The following RANBP3 variants were observed in gnomAD, a reference collection of about 807,000 sequenced individuals.
RANBP3 encodes RAN binding protein 3.
In RANBP3, 14 loss-of-function variants were observed where a neutral mutation model predicts 77.3. The ratio of observed to expected loss-of-function variants is 0.18; its 90% CI spans 0.12 to 0.28. The LOEUF (loss-of-function observed/expected upper bound fraction) is 0.28. RANBP3 is among the 10% of genes least tolerant of loss of function. The probability of loss-of-function intolerance (pLI) is 1.00; values close to 1 mark genes in which losing one functional copy is unlikely to be tolerated. For missense variants in RANBP3, 586 were observed against 752.3 expected (o/e 0.78, Z 2.59); for synonymous variants, 315 against 312.4 (o/e 1.01, Z -0.09).
intron 1 of RANBP3, among the ~76,000 whole-genome samples, chr19:5,965,048 G>A (rs1447423414): frequency 6.6e-6 from 1 of 152,074 alleles, no homozygotes; most frequent in Non-Finnish European, 1.5e-5. Context: ...CTGGTGGAAG[G>A]GGGTCTCTTC....
At position 5,951,395 on chromosome 19, in the gene RANBP3, CT is replaced by C; in HGVS notation, c.279del (p.Arg95GlyfsTer33). On this transcript the variant is annotated frameshift_variant, in exon 3 of 17. Transcript: ENST00000340578. LOFTEE classifies it high-confidence loss of function. ...AQLPPFPREL[A>X]GRSAGGSSPE... ...GTGCCGGGTAGGTGTGGACTTACCC[CT>C]GCCAGTTCTCGCGGAAAAGGAGGAA... 6.4e-7 allele frequency: 1 copy of C among 1,554,010 alleles called. No individual in the cohort carries two copies. The highest frequency in any genetic ancestry group is 1.2e-5 in the South Asian group (1 of 84,600).
chr19:5,947,398 G>A lies in RANBP3; in HGVS notation c.282+3995C>T, dbSNP rs1171100603. Among the ~76,000 whole-genome samples the A allele has an allele frequency of 2.6e-5, 4 of 151,954 alleles. No individual in the cohort carries two copies. In the South Asian group the frequency reaches 6.2e-4, roughly 24 times the overall value. Reference sequence around the variant, plus strand: ...CAAGCTCCGAAGACTCGAGCTTAGTGGGGAGGAGCGAGGACAGAAGCAGGA... The same window carrying A: ...CAAGCTCCGAAGACTCGAGCTTAGTAGGGAGGAGCGAGGACAGAAGCAGGA... On this transcript the variant is annotated intron_variant, in intron 3 of 16. Transcript: ENST00000340578.
At chr19:5,925,861 CCG>C in intron 9 of RANBP3, 124 bp from the exon 10 acceptor site, 1 of 740,666 alleles carries the variant, frequency 1.4e-6, no homozygotes, top group Admixed American at 2.1e-5. Flanking sequence ...TCTCCTGTAC[CCG>C]CCTGTGTGTG....
At position 5,959,515 on chromosome 19, in the gene RANBP3, C is replaced by A. The variant is rs547841145; in HGVS notation, c.23-1542G>T. ...TCACCGTGTACAGCCAAGGCAAACA[C>A]TGGAGTGAGTGGCGTGCGCGAGACC... is the stretch of plus-strand genomic sequence containing the variant. On this transcript the variant is annotated intron_variant, in intron 1 of 16. Coordinates refer to ENST00000340578, the MANE Select transcript of RANBP3 (RefSeq NM_007322.3). This position sits in a 1 kb window ranked among gnomAD's most constrained non-coding sequence, Gnocchi z 5.1. Among the ~76,000 whole-genome samples the A allele has an allele frequency of 2.0e-5, 3 of 152,094 alleles. No individual in the cohort carries two copies. In the South Asian group the frequency reaches 6.2e-4, roughly 31 times the overall value.
chr19:5,968,125 G>C (rs576845852), intron 1 of RANBP3, among the ~76,000 whole-genome samples: 15 of 152,348 alleles, frequency 9.8e-5, no homozygotes, highest in African/African-American at 3.6e-4. Context: ...CACCAACACA[G>C]CTGAGGCAAC....
In RANBP3 at chr19:5,917,808, C is replaced by T; in HGVS notation, c.1646G>A (p.Gly549Glu). Residue 549 changes from glycine (G) to glutamate (E), a missense_variant, in exon 16 of 17, where the codon GGG becomes GAG. Gly to Glu is a moderately conservative substitution (Grantham distance 98). Around this residue, in one of 5 missense-constraint regions of RANBP3, gnomAD observed 128 missense variants for 157.0 expected, o/e 0.82. Coordinates refer to ENST00000340578, the MANE Select transcript of RANBP3 (RefSeq NM_007322.3). ...SDDDDVLAPS[G>E]ATAAGAGDEG... is the part of the protein sequence containing the mutation. ...ACCCGACTCACCAGCTGCGGTGGCC[C>T]CTGAAGGAGCCAGGACATCGTCATC... The T allele has an allele frequency of 6.2e-7, 1 of 1,610,470 alleles. No homozygotes were observed. Among genetic ancestry groups the T allele is most frequent in the Non-Finnish European group, 8.5e-7 (1 of 1,178,692 alleles).
chr19:5,944,306 A>G (rs931378557), intron 3 of RANBP3, among the ~76,000 whole-genome samples: 1 of 152,222 alleles, frequency 6.6e-6, no homozygotes, highest in African/African-American at 2.4e-5. Context: ...GAACCTTTCT[A>G]GAAATGCCAG....
chr19:5,951,353 C>A, intron 3 of RANBP3, 40 bp downstream of exon 3: 1 of 1,528,702 alleles, frequency 6.5e-7, no homozygotes. Context: ...GGGTTGGGCT[C>A]CCCCTGGGCG....
At chr19:5,928,432 T>TA (rs1342973978) in intron 8 of RANBP3, 1 of 160,936 alleles carries the variant, frequency 6.2e-6, no homozygotes, top group Non-Finnish European at 1.3e-5. Flanking sequence ...CAATAGAAAA[T>TA]ATGGGGGAAA....
At chr19:5,951,023 C>T in intron 3 of RANBP3, 1 of 294,698 alleles carries the variant, frequency 3.4e-6, no homozygotes, top group Non-Finnish European at 6.5e-6. Flanking sequence ...ACTTGAATGC[C>T]CGCATTCAGG....
At chr19:5,946,913 AC>A (rs2058212182) in intron 3 of RANBP3, among the ~76,000 whole-genome samples, 1 of 152,074 alleles carries the variant, frequency 6.6e-6, no homozygotes, top group South Asian at 2.1e-4. Context: ...GCCACCCCTC[AC>A]CCCAAACAAG....
At chr19:5,949,083 C>T (rs929625505) in intron 3 of RANBP3, among the ~76,000 whole-genome samples, 6 of 152,180 alleles carry the variant, frequency 3.9e-5, no homozygotes, top group Non-Finnish European at 7.3e-5. Flanking sequence ...TGTTTATCAT[C>T]AAGAACTCTC....
In RANBP3 at chr19:5,918,582, T is replaced by C; in HGVS notation, c.1387A>G (p.Met463Val). 1 of 1,613,760 alleles carries C rather than the reference T, an allele frequency of 6.2e-7. No individual in the cohort carries two copies. Among genetic ancestry groups the C allele is most frequent in the Non-Finnish European group, 8.5e-7 (1 of 1,179,914 alleles). Residue 463 changes from methionine (M) to valine (V), a missense_variant, in exon 15 of 17, where the codon ATG (methionine) becomes GTG (valine). Physicochemically the swap from Met to Val is conservative, Grantham distance 21. Around this residue, in one of 5 missense-constraint regions of RANBP3, gnomAD observed 128 missense variants for 157.0 expected, o/e 0.82. Coordinates refer to ENST00000340578, the MANE Select transcript of RANBP3 (RefSeq NM_007322.3). ...TTCTCGCTGGCCTTGTCGATCTGCATCTGGGCCCACAGCTTGGTGTTGAGG... is the reference window on the plus strand; with the variant it reads ...TTCTCGCTGGCCTTGTCGATCTGCACCTGGGCCCACAGCTTGGTGTTGAGG... ...LILNTKLWAQMQIDKASEKSI... is the reference protein window; with the variant it reads ...LILNTKLWAQVQIDKASEKSI...
intron 3 of RANBP3, among the ~76,000 whole-genome samples, chr19:5,949,034 T>G (rs540049011): frequency 6.6e-6 from 1 of 152,234 alleles, no homozygotes; most frequent in Non-Finnish European, 1.5e-5. Flanking sequence ...GACTAAAAGA[T>G]GGTAAGGGCC....
At chr19:5,973,391 A>G (rs2145289429) in intron 1 of RANBP3, among the ~76,000 whole-genome samples, 1 of 152,298 alleles carries the variant, frequency 6.6e-6, no homozygotes, top group Admixed American at 6.5e-5. Flanking sequence ...GGACACTGGG[A>G]CGGAGACATT....
Position 5,961,961 on chromosome 19 carries a change from G to A in RANBP3, c.23-3988C>T, listed in dbSNP as rs191062325. 7.7e-3 allele frequency among the ~76,000 whole-genome samples: 1,161 copies of A among 151,732 alleles called. 33 individuals are homozygous for A. Among genetic ancestry groups the A allele is most frequent in the South Asian group, 4.6e-3 (22 of 4,792 alleles). On this transcript the variant is annotated intron_variant, in intron 1 of 16. Transcript: ENST00000340578. ...GCGCGTGGTTCCCCTTGTTTTCCAT[G>A]GCCAGTGCTTACTCCTGCACAGACA...
chr19:5,968,768 C>G (rs2145266508), intron 1 of RANBP3, among the ~76,000 whole-genome samples: 1 of 152,338 alleles, frequency 6.6e-6, no homozygotes, highest in South Asian at 2.1e-4. Flanking sequence ...AAGCCTTGCT[C>G]TCACCAGCAG....
intron 3 of RANBP3, 148 bp from the exon 4 acceptor site, chr19:5,941,983 C>A (rs1264933815): frequency 3.5e-6 from 3 of 867,120 alleles, no homozygotes; most frequent in Non-Finnish European, 5.5e-6. Context: ...GGATTTTAGC[C>A]TAAAGCTCAA....
chr19:5,939,674 T>C (rs898948040), intron 5 of RANBP3, among the ~76,000 whole-genome samples: 1 of 152,188 alleles, frequency 6.6e-6, no homozygotes, highest in Non-Finnish European at 1.5e-5. Context: ...CTCTCCCACC[T>C]GAGGGGTGGA....
Sources: allele counts gnomAD v4.1 joint callset (sites outside exome capture counted in the v4.1 genomes callset), GRCh38; gene constraint gnomAD v4.1.1; regional missense constraint gnomAD v4.1.1; non-coding constraint Gnocchi (gnomAD v3.1); transcripts MANE v1.5; gene names NCBI Gene and HGNC (gene_info 2026-07-23, HGNC 2026-07-21).